The following AHRR variants were observed in gnomAD, a reference collection of about 807,000 sequenced individuals.
The protein encoded by AHRR is aryl hydrocarbon receptor repressor, also known as ahR repressor.
In AHRR, 28 loss-of-function variants were observed where a neutral mutation model predicts 44.0. That is an observed-to-expected ratio of 0.64 (90% CI 0.47 to 0.87). The LOEUF is 0.87. Ranked by LOEUF, AHRR falls within the 40% of genes least tolerant of loss-of-function variation. AHRR has a pLI of 0.00. For synonymous variants in AHRR, 434 were observed against 407.0 expected (o/e 1.07, Z -0.80); for missense variants, 990 against 953.9 (o/e 1.04, Z -0.50).
At chr5:366,199 G>A (rs796664034) in intron 3 of AHRR, among the ~76,000 whole-genome samples, 117 of 152,036 alleles carry the variant, frequency 7.7e-4, no homozygotes, top group African/African-American at 2.7e-3. Flanking sequence ...TAGGGCTTTT[G>A]GGGCTCTTTC....
At chr5:422,191 C>T (rs1370001567) in intron 5 of AHRR, among the ~76,000 whole-genome samples, 1 of 152,102 alleles carries the variant, frequency 6.6e-6, no homozygotes, top group Non-Finnish European at 1.5e-5. Flanking sequence ...CAGACATGGA[C>T]CCTGGGTGCC....
At chr5:416,803 G>A (rs934332418) in intron 5 of AHRR, among the ~76,000 whole-genome samples, 3 of 152,366 alleles carry the variant, frequency 2.0e-5, no homozygotes, top group South Asian at 2.1e-4. Context: ...CGGACATGAC[G>A]GTGTGGCTCG....
chr5:331,076 C>T (rs1418593226), intron 1 of AHRR, among the ~76,000 whole-genome samples: 1 of 151,720 alleles, frequency 6.6e-6, no homozygotes, highest in Non-Finnish European at 1.5e-5. Flanking sequence ...GGGCTTTCAC[C>T]ATGTTGGCCA....
intron 4 of AHRR, among the ~76,000 whole-genome samples, chr5:412,824 G>A (rs566754118): frequency 1.2e-4 from 18 of 149,690 alleles, no homozygotes; most frequent in African/African-American, 4.2e-4. Context: ...GGGTTCAAGC[G>A]ATTCTCCTGC....
chr5:392,528 A>T (rs1392308597), intron 4 of AHRR, among the ~76,000 whole-genome samples: 1 of 152,160 alleles, frequency 6.6e-6, no homozygotes, highest in Admixed American at 6.5e-5. Context: ...CGGCGTCCAC[A>T]GCCAGGCCTA....
At chr5:376,259 C>T (rs539545314) in intron 3 of AHRR, among the ~76,000 whole-genome samples, 5 of 151,874 alleles carry the variant, frequency 3.3e-5, no homozygotes, top group African/African-American at 4.8e-5. Flanking sequence ...CAGACTTTGT[C>T]CCAAGACTGG....
chr5:431,637 GCAGCCCCCAA>G (rs1451639076), intron 8 of AHRR, among the ~76,000 whole-genome samples: 1 of 151,660 alleles, frequency 6.6e-6, no homozygotes, highest in South Asian at 2.1e-4. Context: ...GCGGCCCCTA[GCAGCCCCCAA>G]CAGCCCCCCA....
intron 5 of AHRR, chr5:418,568 T>C (rs529039144): frequency 6.6e-6 from 1 of 152,440 alleles, no homozygotes; most frequent in Admixed American, 6.5e-5. Context: ...TTGGAGATGA[T>C]GGATGAGGCA....
intron 3 of AHRR, 28 bp from the exon 4 acceptor site, chr5:376,582 G>A (rs745455415): frequency 8.4e-6 from 3 of 355,052 alleles, no homozygotes; most frequent in Middle Eastern, 1.1e-3. Context: ...GGTTGGGGGT[G>A]CCTAATGTGT....
intron 4 of AHRR, among the ~76,000 whole-genome samples, chr5:394,935 G>GCGGC (rs1038992434): frequency 3.3e-5 from 5 of 152,226 alleles, no homozygotes; most frequent in Non-Finnish European, 7.4e-5. Flanking sequence ...AGCTGGCGGT[G>GCGGC]CGGCCGTGTC....
chr5:371,050 C>G (rs1017783980), intron 3 of AHRR, among the ~76,000 whole-genome samples: 1 of 152,156 alleles, frequency 6.6e-6, no homozygotes, highest in Admixed American at 6.5e-5. Flanking sequence ...GTAGTTCAGT[C>G]CAAGCCCAGA....
At chr5:403,640 A>G (rs1259090116) in intron 4 of AHRR, 10 of 163,912 alleles carry the variant, frequency 6.1e-5, no homozygotes, top group South Asian at 5.3e-4. Context: ...TCCGTTTCAG[A>G]AAAAAAAAAA....
intron 4 of AHRR, among the ~76,000 whole-genome samples, chr5:377,777 C>T (rs974501178): frequency 5.3e-5 from 8 of 152,254 alleles, no homozygotes; most frequent in Non-Finnish European, 7.3e-5. Flanking sequence ...AGGCCTGGGC[C>T]TGGTTCCCTG....
At chr5:415,657 TAGGGGCCGAATCTGCCTGGTC>T in intron 5 of AHRR, among the ~76,000 whole-genome samples, 2 of 135,172 alleles carry the variant, frequency 1.5e-5, no homozygotes, top group African/African-American at 2.6e-5. Flanking sequence ...GCGGGAGGCC[TAGGGGCCGAATCTGCCTGGTC>T]GGGCGGGAGG....
intron 5 of AHRR, among the ~76,000 whole-genome samples, chr5:422,107 G>A (rs369245619): frequency 6.6e-6 from 1 of 152,152 alleles, no homozygotes; most frequent in Non-Finnish European, 1.5e-5. Context: ...GCGCCGACAC[G>A]CTCACTGGCA....
chr5:423,209 A>G (rs1579702289), intron 6 of AHRR, among the ~76,000 whole-genome samples: 1 of 152,178 alleles, frequency 6.6e-6, no homozygotes, highest in South Asian at 2.1e-4. Flanking sequence ...AGTTTCATAC[A>G]GTTTGCTTCA....
rs373102259 is a variant in AHRR at position 388,090 on chromosome 5, C to T, written c.351+11374C>T. On this transcript the variant is annotated intron_variant, in intron 4 of 10. Transcript: ENST00000684583. The surrounding 1 kb of genome is among the most constrained non-coding windows in gnomAD (Gnocchi z 5.2). Reference sequence around the variant, plus strand: ...GACCTCATCTCAGCTTCGTGACATCCGCCACTGTCCTATGTCCCAATACAG... The same window carrying T: ...GACCTCATCTCAGCTTCGTGACATCTGCCACTGTCCTATGTCCCAATACAG... 4.6e-5 allele frequency among the ~76,000 whole-genome samples: 7 copies of T among 152,304 alleles called. No homozygotes were observed. The highest frequency in any genetic ancestry group is 4.1e-4 in the South Asian group (2 of 4,824).
At chr5:416,763 C>T (rs915783746) in intron 5 of AHRR, among the ~76,000 whole-genome samples, 12 of 152,142 alleles carry the variant, frequency 7.9e-5, no homozygotes, top group East Asian at 3.8e-4. Flanking sequence ...GTGCCGTGAA[C>T]GGGGGAGCAC....
Position 434,200 on chromosome 5 carries a change from G to A in AHRR, c.1460G>A (p.Ser487Asn). Reference protein sequence around the residue: ...HPPLCHFPQRSLQHQLPQPGA... With the variant: ...HPPLCHFPQRNLQHQLPQPGA... ...CCCCTCTGCCACTTTCCCCAGAGGA[G>A]CCTGCAGCACCAGCTCCCTCAGCCT... The change falls in exon 11 of 11, where the codon AGC (serine) becomes AAC (asparagine). Residue 487 changes from serine to asparagine, a missense_variant. Physicochemically the swap from Ser to Asn is conservative, Grantham distance 46 (BLOSUM62 1). Transcript: ENST00000684583. 1 of 1,591,638 alleles carries A rather than the reference G, an allele frequency of 6.3e-7. No homozygotes were observed. Among genetic ancestry groups the A allele is most frequent in the Non-Finnish European group, 8.6e-7 (1 of 1,168,934 alleles).
Sources: allele counts gnomAD v4.1 joint callset (sites outside exome capture counted in the v4.1 genomes callset), GRCh38; gene constraint gnomAD v4.1.1; non-coding constraint Gnocchi (gnomAD v3.1); transcripts MANE v1.5; gene names NCBI Gene and HGNC (gene_info 2026-07-23, HGNC 2026-07-21).